KRIT1: variants seen among roughly 807,000 people sequenced by gnomAD.
KRIT1 encodes krev interaction trapped protein 1.
Under a neutral mutation model 95.8 loss-of-function variants are expected in KRIT1, and 45 were observed. That is an observed-to-expected ratio of 0.47 (90% confidence interval 0.37 to 0.60). The LOEUF (loss-of-function observed/expected upper bound fraction) is 0.60. Among genes scored for constraint, KRIT1 ranks in the 20% least tolerant of loss-of-function variants. The pLI is 0.00. For missense variants in KRIT1, 788 were observed against 877.5 expected, an observed-to-expected ratio of 0.90 and a Z score of 1.29; for synonymous variants, 282 against 278.8, an observed-to-expected ratio of 1.01 and a Z score of -0.11.
At chr7:92,211,774 A>G (rs1175205847) in intron 17 of KRIT1, among the ~76,000 whole-genome samples, 1 of 152,140 alleles carries the variant, frequency 6.6e-6, no homozygotes, top group Non-Finnish European at 1.5e-5. Flanking sequence ...TGTACCTCAT[A>G]AATATGTACA....
chr7:92,223,054 T>G, intron 12 of KRIT1, 76 bp from the exon 13 acceptor site: 1 of 872,726 alleles, frequency 1.1e-6, no homozygotes. Context: ...TTCCTTCAAC[T>G]TCATGTGCTT....
intron 15 of KRIT1, 89 bp downstream of exon 15, chr7:92,214,522 T>C (rs1368245279): frequency 2.1e-6 from 2 of 963,922 alleles, no homozygotes; most frequent in African/African-American, 3.3e-5. Context: ...ATGTAATGTA[T>C]AAATATTTTC....
At chr7:92,236,220 T>C (rs1798404411) in intron 7 of KRIT1, 193 bp downstream of exon 7, 1 of 493,492 alleles carries the variant, frequency 2.0e-6, no homozygotes, top group Admixed American at 3.4e-5. Flanking sequence ...AAAATTAACA[T>C]GCTGTACCCA....
intron 10 of KRIT1, among the ~76,000 whole-genome samples, chr7:92,230,391 C>T (rs1227146908): frequency 6.6e-6 from 1 of 152,152 alleles, no homozygotes; most frequent in Non-Finnish European, 1.5e-5. Context: ...TGCATTTTTA[C>T]TGACCTTCAT....
intron 17 of KRIT1, among the ~76,000 whole-genome samples, chr7:92,209,747 T>C (rs1301107654): frequency 6.6e-6 from 1 of 152,060 alleles, no homozygotes; most frequent in African/African-American, 2.4e-5. Context: ...TGCTCATGGA[T>C]TGGAAGAGTT....
intron 10 of KRIT1, among the ~76,000 whole-genome samples, chr7:92,231,527 T>A (rs1797283053): frequency 1.3e-5 from 2 of 152,144 alleles, no homozygotes; most frequent in Non-Finnish European, 2.9e-5. Flanking sequence ...AGGTGAGAAA[T>A]GAGACCAAGT....
At chr7:92,230,108 G>A (rs1796978914) in intron 10 of KRIT1, among the ~76,000 whole-genome samples, 1 of 152,038 alleles carries the variant, frequency 6.6e-6, no homozygotes, top group Non-Finnish European at 1.5e-5. Flanking sequence ...CATTTTGTAT[G>A]GTGCTTTAAA....
At chr7:92,242,276 G>C in intron 3 of KRIT1, 139 bp from the exon 4 acceptor site, 1 of 648,372 alleles carries the variant, frequency 1.5e-6, no homozygotes, top group East Asian at 2.7e-5. Context: ...AAAATAAAAT[G>C]TTCTCTATCC....
intron 2 of KRIT1, among the ~76,000 whole-genome samples, chr7:92,244,534 C>T (rs868303590): frequency 1.5e-4 from 23 of 152,230 alleles, no homozygotes; most frequent in African/African-American, 4.3e-4. Context: ...AAGAACTATT[C>T]GTACTTGACT....
chr7:92,215,946 G>C (rs1340086198), intron 14 of KRIT1, among the ~76,000 whole-genome samples: 1 of 151,698 alleles, frequency 6.6e-6, no homozygotes, highest in Admixed American at 6.6e-5. Flanking sequence ...AATGATTTTT[G>C]CGGCCAGGCA....
intron 17 of KRIT1, among the ~76,000 whole-genome samples, chr7:92,211,121 G>A (rs951704699): frequency 1.3e-5 from 2 of 152,152 alleles, no homozygotes; most frequent in Non-Finnish European, 2.9e-5. Context: ...AAACAGTATA[G>A]AGGTTTCTCA....
chr7:92,227,739 C>T (rs1299184626), intron 10 of KRIT1, among the ~76,000 whole-genome samples: 1 of 151,764 alleles, frequency 6.6e-6, no homozygotes, highest in Admixed American at 6.6e-5. Context: ...TTCGGCCAGG[C>T]GTGGTGGCTC....
At chr7:92,227,359 T>G (rs1467085638) in intron 10 of KRIT1, among the ~76,000 whole-genome samples, 1 of 152,082 alleles carries the variant, frequency 6.6e-6, no homozygotes, top group African/African-American at 2.4e-5. Context: ...GGTCAGGAGC[T>G]CGAGACCAGC....
chr7:92,215,447 T>C (rs992856474), intron 14 of KRIT1, among the ~76,000 whole-genome samples: 2 of 152,190 alleles, frequency 1.3e-5, no homozygotes, highest in Admixed American at 6.5e-5. Flanking sequence ...CTTTCAAATA[T>C]TAATAATATT....
Position 92,200,795 on chromosome 7 carries a change from C to T in KRIT1, c.2152G>A (p.Val718Met), listed in dbSNP as rs140952803. 2.9e-5 allele frequency: 47 copies of T among 1,600,136 alleles called. No homozygotes were observed. The African/African-American group carries it at 3.6e-4, about 12-fold the overall frequency. Reference sequence around the variant, plus strand: ...TTTAGCTTCATTAACAGTTTTACCACGAGACCAGCCTACAAAGTAAAACAT... The same window carrying T: ...TTTAGCTTCATTAACAGTTTTACCATGAGACCAGCCTACAAAGTAAAACAT... ...FIVHTKQAGL[V>M]VKLLMKLNGQ... Residue 718 changes from valine (V) to methionine (M), a missense_variant, in exon 19 of 19, where the codon GTG becomes ATG. Val to Met is a conservative substitution (Grantham distance 21). This residue lies in a region of KRIT1 where 493 missense variants were observed against 582.3 expected (regional missense o/e 0.85). Coordinates refer to ENST00000394505, the MANE Select transcript of KRIT1 (RefSeq NM_194454.3).
chr7:92,200,541 C>T lies in KRIT1; in HGVS notation c.*195G>A. 2 of 555,564 alleles carry T rather than the reference C, an allele frequency of 3.6e-6. No homozygotes were observed. The highest frequency in any genetic ancestry group is 6.5e-6 in the Non-Finnish European group (2 of 307,308). The allele number at this position is 555,564 out of a possible 1,614,324, so 34.4% of individuals were successfully genotyped here. A position where few individuals can be genotyped will look rare whatever the true frequency, so the allele number is the denominator to read the frequency against. ...GCTAATTTTTGTATTTTTGTAGAGA[C>T]AGGGTTTCACCATGTTGGCCAGGCT... On this transcript the variant is annotated 3_prime_UTR_variant, in exon 19 of 19. Transcript: ENST00000394505.
At chr7:92,219,346 C>T (rs576356007) in intron 14 of KRIT1, among the ~76,000 whole-genome samples, 5 of 152,258 alleles carry the variant, frequency 3.3e-5, no homozygotes, top group Admixed American at 3.3e-4. Flanking sequence ...CAATTTCCTA[C>T]TTTTGCAATG....
At chr7:92,238,136 A>G (rs1301823455) in intron 5 of KRIT1, among the ~76,000 whole-genome samples, 4 of 152,180 alleles carry the variant, frequency 2.6e-5, no homozygotes, top group Admixed American at 2.6e-4. Context: ...GTAAGTTTCA[A>G]AGTCTTAATG....
intron 17 of KRIT1, among the ~76,000 whole-genome samples, chr7:92,203,577 T>C (rs1379247007): frequency 6.6e-6 from 1 of 152,246 alleles, no homozygotes; most frequent in Non-Finnish European, 1.5e-5. Flanking sequence ...TACTGCTAAC[T>C]CATTTATTTG....
Sources: allele counts gnomAD v4.1 joint callset (sites outside exome capture counted in the v4.1 genomes callset), GRCh38; gene constraint gnomAD v4.1.1; regional missense constraint gnomAD v4.1.1; transcripts MANE v1.5; gene names NCBI Gene and HGNC (gene_info 2026-07-23, HGNC 2026-07-21).